NEK11: variants seen among roughly 807,000 people sequenced by gnomAD.
NEK11 encodes serine/threonine-protein kinase Nek11.
NEK11 carries 72 observed loss-of-function variants against 80.7 expected under a neutral mutation model. That is an observed-to-expected ratio of 0.89 (90% CI 0.74 to 1.08). The LOEUF is 1.08. NEK11 is among the 50% of genes least tolerant of loss of function. The pLI, the probability that NEK11 is intolerant of heterozygous loss-of-function variation, is 0.00. For synonymous variants in NEK11, 251 were observed against 260.7 expected, an observed-to-expected ratio of 0.96 and a Z score of 0.36; for missense variants, 764 against 763.6, an observed-to-expected ratio of 1.00 and a Z score of -0.01.
intron 17 of NEK11, among the ~76,000 whole-genome samples, chr3:131,288,073 C>T (rs996329888): frequency 6.6e-6 from 1 of 152,230 alleles, no homozygotes; most frequent in African/African-American, 2.4e-5. Flanking sequence ...AATCTTACTA[C>T]TGAATCCACC....
chr3:131,043,273 A>T (rs1205077609), intron 3 of NEK11, among the ~76,000 whole-genome samples: 2 of 152,250 alleles, frequency 1.3e-5, no homozygotes, highest in Admixed American at 1.3e-4. Context: ...TGACAAATTG[A>T]CAGAAGTATG....
intron 16 of NEK11, among the ~76,000 whole-genome samples, chr3:131,246,226 C>T (rs2095600741): frequency 6.6e-6 from 1 of 152,058 alleles, no homozygotes; most frequent in Non-Finnish European, 1.5e-5. Flanking sequence ...ACACTGTACC[C>T]AGCGTGTAGC....
chr3:131,285,727 A>G (rs1361839553), intron 17 of NEK11, among the ~76,000 whole-genome samples: 5 of 152,238 alleles, frequency 3.3e-5, no homozygotes, highest in Admixed American at 2.6e-4. Flanking sequence ...ATCTTTCTTC[A>G]CAAAAGTCAT....
At chr3:131,205,812 T>A (rs2094426419) in intron 14 of NEK11, among the ~76,000 whole-genome samples, 1 of 152,232 alleles carries the variant, frequency 6.6e-6, no homozygotes, top group Non-Finnish European at 1.5e-5. Context: ...AAGAGTCTTT[T>A]TCTGGGGAAT....
chr3:131,129,508 A>G (rs1035525622), intron 5 of NEK11, among the ~76,000 whole-genome samples: 2 of 152,194 alleles, frequency 1.3e-5, no homozygotes, highest in African/African-American at 4.8e-5. Flanking sequence ...TTGGTGTTAT[A>G]TTTAAAAAGT....
chr3:131,218,581 A>C (rs1455210522), intron 14 of NEK11, among the ~76,000 whole-genome samples: 1 of 152,166 alleles, frequency 6.6e-6, no homozygotes, highest in East Asian at 1.9e-4. Context: ...TAAAAGCCAT[A>C]TGTTGGAGCC....
At chr3:131,278,250 G>T (rs1273285850) in intron 17 of NEK11, among the ~76,000 whole-genome samples, 1 of 152,114 alleles carries the variant, frequency 6.6e-6, no homozygotes, top group Non-Finnish European at 1.5e-5. Flanking sequence ...TCCCCTACTG[G>T]TGCACAAACA....
chr3:131,115,305 C>A (rs555906047), intron 5 of NEK11, among the ~76,000 whole-genome samples: 1 of 152,286 alleles, frequency 6.6e-6, no homozygotes, highest in South Asian at 2.1e-4. Context: ...TATTGGCTTT[C>A]CTGGGTCTCT....
intron 5 of NEK11, among the ~76,000 whole-genome samples, chr3:131,130,784 C>T (rs896145692): frequency 1.3e-5 from 2 of 152,064 alleles, no homozygotes; most frequent in Non-Finnish European, 2.9e-5. Flanking sequence ...GTATAATTCT[C>T]CTGACACAAT....
At chr3:131,163,966 C>T (rs1466656168) in intron 11 of NEK11, among the ~76,000 whole-genome samples, 2 of 151,928 alleles carry the variant, frequency 1.3e-5, no homozygotes, top group African/African-American at 4.8e-5. Flanking sequence ...GTTTAGGAGC[C>T]CCAATCAAGA....
At chr3:131,238,791 T>G (rs2108016518) in intron 15 of NEK11, among the ~76,000 whole-genome samples, 1 of 152,204 alleles carries the variant, frequency 6.6e-6, no homozygotes, top group Non-Finnish European at 1.5e-5. Context: ...AAAAAGATCT[T>G]GGGGATGATA....
In NEK11 at chr3:131,329,393, C is replaced by A. The variant is rs566965139; in HGVS notation, c.1719-20164C>A. 5 of 151,932 alleles carry A rather than the reference C, an allele frequency of 3.3e-5. No individual in the cohort carries two copies. The South Asian group carries it at 1.0e-3, about 32-fold the overall frequency. The allele number at this position is 151,932 out of a possible 1,614,324, so 9.4% of individuals were successfully genotyped here. A position where few individuals can be genotyped will look rare whatever the true frequency, so the allele number is the denominator to read the frequency against. ...TCCTATTTGACTTTCAAGACATCTA[C>A]TCATTCATCCAACAAATATTTATTG... is the stretch of plus-strand genomic sequence containing the variant. On this transcript the variant is annotated intron_variant, in intron 17 of 17. Transcript: ENST00000383366.
chr3:131,307,160 C>A (rs116186870), intron 17 of NEK11, among the ~76,000 whole-genome samples: 5 of 152,264 alleles, frequency 3.3e-5, no homozygotes, highest in African/African-American at 4.8e-5. Context: ...TTCTTCGTAT[C>A]CTGTACCTCC....
chr3:131,273,504 G>A lies in NEK11; in HGVS notation c.1648G>A (p.Glu550Lys), dbSNP rs1287184612. ...LDTKTITTMA[E>K]DMSPGPPIFN... Reference sequence around the variant, plus strand: ...CACAAAGACCATCACCACCATGGCTGAAGACATGTCCCCAGGACCACCAAT... The same window carrying A: ...CACAAAGACCATCACCACCATGGCTAAAGACATGTCCCCAGGACCACCAAT... Residue 550 changes from glutamate to lysine, a missense_variant, in exon 17 of 18, where the codon GAA becomes AAA. Glu to Lys is a moderately conservative substitution (Grantham distance 56). Coordinates refer to ENST00000383366, the MANE Select transcript of NEK11 (RefSeq NM_024800.5). 1.2e-6 allele frequency: 2 copies of A among 1,614,012 alleles called. No homozygotes were observed. Among genetic ancestry groups the A allele is most frequent in the Admixed American group, 3.3e-5 (2 of 60,026 alleles).
chr3:131,100,042 T>C (rs920481145), intron 4 of NEK11, among the ~76,000 whole-genome samples: 2 of 152,208 alleles, frequency 1.3e-5, no homozygotes, highest in Admixed American at 6.5e-5. Context: ...GTTCCAGTTC[T>C]CAAAGAGAAT....
intron 17 of NEK11, among the ~76,000 whole-genome samples, chr3:131,285,649 A>T (rs2096461354): frequency 6.6e-6 from 1 of 152,186 alleles, no homozygotes; most frequent in Admixed American, 6.5e-5. Flanking sequence ...AGCAAAACAA[A>T]CTTTTCTCAT....
At chr3:131,145,482 G>A (rs2087978944) in intron 7 of NEK11, among the ~76,000 whole-genome samples, 1 of 152,122 alleles carries the variant, frequency 6.6e-6, no homozygotes, top group South Asian at 2.1e-4. Flanking sequence ...CTCATAGTCT[G>A]TGTGCCCTAT....
chr3:131,089,169 A>C (rs551757773), intron 4 of NEK11, among the ~76,000 whole-genome samples: 1 of 152,216 alleles, frequency 6.6e-6, no homozygotes, highest in Non-Finnish European at 1.5e-5. Context: ...ATCATGCCTC[A>C]AAGTTTGTTC....
At chr3:131,175,951 C>T (rs1411891114) in intron 14 of NEK11, among the ~76,000 whole-genome samples, 1 of 152,120 alleles carries the variant, frequency 6.6e-6, no homozygotes, top group South Asian at 2.1e-4. Flanking sequence ...AGAAGGTGAT[C>T]ACAGGGTTTG....
Sources: allele counts gnomAD v4.1 joint callset (sites outside exome capture counted in the v4.1 genomes callset), GRCh38; gene constraint gnomAD v4.1.1; transcripts MANE v1.5; gene names NCBI Gene and HGNC (gene_info 2026-07-23, HGNC 2026-07-21).